The following ZFYVE9 variants were observed in gnomAD, a reference collection of about 807,000 sequenced individuals.
ZFYVE9 encodes zinc finger FYVE domain-containing protein 9.
ZFYVE9 carries 43 observed loss-of-function variants against 126.7 expected under a neutral mutation model. The ratio of observed to expected loss-of-function variants is 0.34; its 90% CI spans 0.27 to 0.44. The LOEUF (loss-of-function observed/expected upper bound fraction) is 0.44, where lower values mean the gene tolerates loss of function less well. ZFYVE9 is among the 20% of genes least tolerant of loss of function. ZFYVE9 has a pLI of 1.00. For synonymous variants in ZFYVE9, 521 were observed against 597.4 expected, an observed-to-expected ratio of 0.87 and a Z score of 1.87; for missense variants, 1,476 against 1,697.0, an observed-to-expected ratio of 0.87 and a Z score of 2.29.
At chr1:52,203,220 T>C (rs597198) in intron 1 of ZFYVE9, among the ~76,000 whole-genome samples, 142,259 of 151,258 alleles carry the variant, frequency 0.94, 66,972 homozygotes, top group East Asian at 1. Context: ...CTCACTCTTT[T>C]GCCCAGACTG....
intron 9 of ZFYVE9, among the ~76,000 whole-genome samples, chr1:52,280,199 A>G (rs1645788043): frequency 6.6e-6 from 1 of 150,404 alleles, no homozygotes; most frequent in Non-Finnish European, 1.5e-5. Flanking sequence ...CAACATGGTG[A>G]AACCTCATCC....
intron 1 of ZFYVE9, among the ~76,000 whole-genome samples, chr1:52,181,511 T>G (rs1218243452): frequency 6.6e-6 from 1 of 152,110 alleles, no homozygotes; most frequent in Non-Finnish European, 1.5e-5. Flanking sequence ...CCACCCCGTC[T>G]GGGAAGGGAG....
At chr1:52,273,644 C>T in intron 7 of ZFYVE9, among the ~76,000 whole-genome samples, 1 of 151,826 alleles carries the variant, frequency 6.6e-6, no homozygotes, top group African/African-American at 2.4e-5. Context: ...TCCTGGCTAA[C>T]AGGTGAAACC....
chr1:52,161,297 A>AT (rs375634227), intron 1 of ZFYVE9, among the ~76,000 whole-genome samples: 78 of 151,074 alleles, frequency 5.2e-4, no homozygotes, highest in African/African-American at 1.3e-3. Context: ...ATTTTATTTT[A>AT]TTTTTTTTTG....
intron 10 of ZFYVE9, among the ~76,000 whole-genome samples, chr1:52,290,472 C>T (rs1414895635): frequency 6.6e-6 from 1 of 152,202 alleles, no homozygotes; most frequent in East Asian, 1.9e-4. Flanking sequence ...GAAAGCATCT[C>T]TTTAATTCCC....
intron 1 of ZFYVE9, among the ~76,000 whole-genome samples, chr1:52,181,702 C>T (rs1200500205): frequency 6.6e-6 from 1 of 151,800 alleles, no homozygotes; most frequent in Non-Finnish European, 1.5e-5. Context: ...GGCCGCCCAT[C>T]GTCTGAGATG....
chr1:52,164,118 A>ATTT (rs1289936630), intron 1 of ZFYVE9, among the ~76,000 whole-genome samples: 1 of 139,460 alleles, frequency 7.2e-6, no homozygotes. Context: ...CACCTAGCTA[A>ATTT]TTTTTTTTTT....
chr1:52,333,177 C>G (rs962692132), intron 14 of ZFYVE9, among the ~76,000 whole-genome samples: 8 of 151,536 alleles, frequency 5.3e-5, no homozygotes, highest in African/African-American at 1.9e-4. Flanking sequence ...GGAGAAATAC[C>G]TAATGTAAAT....
intron 10 of ZFYVE9, among the ~76,000 whole-genome samples, chr1:52,282,566 C>T (rs998795480): frequency 6.6e-6 from 1 of 152,144 alleles, no homozygotes. Context: ...GGTATTAAAA[C>T]TATTTTCATG....
intron 13 of ZFYVE9, among the ~76,000 whole-genome samples, chr1:52,314,666 A>C (rs999119617): frequency 3.5e-4 from 53 of 152,102 alleles, no homozygotes; most frequent in African/African-American, 1.3e-3. Flanking sequence ...AAAAATAGAA[A>C]AAAATTAACC....
At chr1:52,239,688 C>A in intron 4 of ZFYVE9, 93 bp downstream of exon 4, 1 of 1,389,464 alleles carries the variant, frequency 7.2e-7, no homozygotes, top group African/African-American at 1.4e-5. Flanking sequence ...GAATATATGT[C>A]TGGTTGAGTT....
intron 1 of ZFYVE9, among the ~76,000 whole-genome samples, chr1:52,197,949 G>C (rs1644876926): frequency 6.6e-6 from 1 of 152,080 alleles, no homozygotes; most frequent in Non-Finnish European, 1.5e-5. Context: ...ATATCAGATA[G>C]GTGAAGCTGT....
intron 1 of ZFYVE9, among the ~76,000 whole-genome samples, chr1:52,188,714 A>G (rs971611911): frequency 2.0e-5 from 3 of 152,170 alleles, no homozygotes; most frequent in Admixed American, 6.5e-5. Flanking sequence ...ACTGAGGTAC[A>G]TGGTAGAATA....
At chr1:52,208,500 T>A (rs1644997093) in intron 1 of ZFYVE9, among the ~76,000 whole-genome samples, 1 of 147,938 alleles carries the variant, frequency 6.8e-6, no homozygotes, top group African/African-American at 2.6e-5. Flanking sequence ...TGAATTGTTC[T>A]TCTTTTTTTT....
Position 52,238,602 on chromosome 1 carries a change from A to G in ZFYVE9, c.1185A>G (p.Glu395=), listed in dbSNP as rs930011694. 6.2e-7 allele frequency: 1 copy of G among 1,614,082 alleles called. No individual in the cohort carries two copies. The highest frequency in any genetic ancestry group is 1.1e-5 in the South Asian group (1 of 91,060). Residue 395 remains glutamate (E), a synonymous_variant, in exon 4 of 19, where the codon GAA becomes GAG. Coordinates refer to ENST00000287727, the MANE Select transcript of ZFYVE9 (RefSeq NM_004799.4). ...TTAATATGACAGAGCATTTCTCTGAATCTCAGGACATGACTAATTGGAAGT... is the reference window on the plus strand; with the variant it reads ...TTAATATGACAGAGCATTTCTCTGAGTCTCAGGACATGACTAATTGGAAGT... ...EFLNMTEHFS[E]SQDMTNWKLT...
At chr1:52,305,169 G>A (rs1218926354) in intron 13 of ZFYVE9, among the ~76,000 whole-genome samples, 5 of 152,192 alleles carry the variant, frequency 3.3e-5, no homozygotes, top group South Asian at 2.1e-4. Flanking sequence ...GGCCAAGCGC[G>A]ATGGCTCACA....
At chr1:52,191,268 T>C (rs1394341194) in intron 1 of ZFYVE9, among the ~76,000 whole-genome samples, 1 of 152,176 alleles carries the variant, frequency 6.6e-6, no homozygotes, top group East Asian at 1.9e-4. Context: ...TTAATCTTCA[T>C]AGCAATATTT....
At chr1:52,311,885 G>A (rs1448186683) in intron 13 of ZFYVE9, among the ~76,000 whole-genome samples, 1 of 151,664 alleles carries the variant, frequency 6.6e-6, no homozygotes, top group Non-Finnish European at 1.5e-5. Flanking sequence ...TCGCTTCCTG[G>A]ACTCAAGCAG....
At chr1:52,311,095 A>C (rs888763932) in intron 13 of ZFYVE9, among the ~76,000 whole-genome samples, 1 of 152,072 alleles carries the variant, frequency 6.6e-6, no homozygotes, top group African/African-American at 2.4e-5. Flanking sequence ...TGAACTCTTG[A>C]GCTCAAGCAG....
Sources: gnomAD v4.1 joint callset for allele counts (sites outside exome capture counted in the v4.1 genomes callset) on GRCh38, gnomAD v4.1.1 for gene constraint, MANE v1.5 for transcripts, NCBI Gene and HGNC (gene_info 2026-07-23, HGNC 2026-07-21) for gene names.